The following PKIB variants were observed in gnomAD, a reference collection of about 807,000 sequenced individuals.
PKIB encodes the protein PKI-beta.
Under a neutral mutation model 4.5 loss-of-function variants are expected in PKIB, and 2 were observed. The ratio of observed to expected loss-of-function variants is 0.44; its 90% CI spans 0.18 to 1.39. The LOEUF (loss-of-function observed/expected upper bound fraction) is 1.39. Ranked by LOEUF, PKIB falls within the 40% of genes most tolerant of loss-of-function variation. PKIB has a pLI of 0.27. For synonymous variants in PKIB, 38 were observed against 36.0 expected (o/e 1.06, Z -0.20); for missense variants, 94 against 92.6 (o/e 1.02, Z -0.06).
At chr6:122,642,492 A>G (rs1776158096) in intron 2 of PKIB, among the ~76,000 whole-genome samples, 1 of 152,246 alleles carries the variant, frequency 6.6e-6, no homozygotes, top group South Asian at 2.1e-4. Flanking sequence ...ATGGCTGGTA[A>G]GAGTATAGTT....
At chr6:122,661,746 A>G (rs894481703) in intron 2 of PKIB, among the ~76,000 whole-genome samples, 28 of 152,132 alleles carry the variant, frequency 1.8e-4, no homozygotes, top group African/African-American at 6.8e-4. Flanking sequence ...TGGTAACTCT[A>G]TGTTTAACAG....
At chr6:122,603,531 T>C (rs1277755767) in intron 3 of PKIB, among the ~76,000 whole-genome samples, 2 of 152,166 alleles carry the variant, frequency 1.3e-5, no homozygotes, top group African/African-American at 4.8e-5. Flanking sequence ...TAGGCTAGAG[T>C]ACAGTGGTGC....
Position 122,506,857 on chromosome 6 carries a change from G to A in PKIB, c.-248+28918G>A, listed in dbSNP as rs1219419455. ...TGGGACTACAGGCGCCCACCATCACGCCCGGCTAATTTTTTTTGTATTTTT... is the reference window on the plus strand; with the variant it reads ...TGGGACTACAGGCGCCCACCATCACACCCGGCTAATTTTTTTTGTATTTTT... On this transcript the variant is annotated intron_variant, in intron 2 of 6. Transcript: ENST00000392491. Among the ~76,000 whole-genome samples, 6 of 150,650 alleles carry A rather than the reference G, an allele frequency of 4.0e-5. 1 individual carries two copies. The South Asian group carries it at 8.4e-4, about 21-fold the overall frequency.
At chr6:122,592,242 T>G (rs958432721) in intron 3 of PKIB, among the ~76,000 whole-genome samples, 1 of 152,230 alleles carries the variant, frequency 6.6e-6, no homozygotes, top group East Asian at 1.9e-4. Context: ...AGAGGATAAA[T>G]AATGAATTCT....
At chr6:122,591,035 GACAA>G (rs1171971446) in intron 3 of PKIB, among the ~76,000 whole-genome samples, 2 of 150,242 alleles carry the variant, frequency 1.3e-5, no homozygotes, top group Non-Finnish European at 3.0e-5. Context: ...AAAAAAAACA[GACAA>G]ACAAAAAAAC....
intron 2 of PKIB, among the ~76,000 whole-genome samples, chr6:122,578,254 T>G (rs1356739007): frequency 1.3e-5 from 2 of 152,202 alleles, no homozygotes; most frequent in Admixed American, 1.3e-4. Context: ...GGAAAATAAG[T>G]TAGCATCACG....
chr6:122,481,984 G>T (rs1775628850), intron 2 of PKIB: 2 of 141,280 alleles, frequency 1.4e-5, no homozygotes, highest in Non-Finnish European at 3.1e-5. Flanking sequence ...TTTTTGAGGC[G>T]GAGTCTCGCG....
chr6:122,536,657 T>C (rs1459412792), intron 2 of PKIB, among the ~76,000 whole-genome samples: 1 of 152,142 alleles, frequency 6.6e-6, no homozygotes, highest in Non-Finnish European at 1.5e-5. Context: ...TTGGAAAGAA[T>C]AGATTTTATT....
chr6:122,533,065 G>A (rs1008070453), intron 2 of PKIB, among the ~76,000 whole-genome samples: 5 of 151,896 alleles, frequency 3.3e-5, no homozygotes, highest in Non-Finnish European at 7.4e-5. Flanking sequence ...ATATATTTGG[G>A]TATTAACACT....
At chr6:122,494,139 T>G (rs1426423336) in intron 2 of PKIB, among the ~76,000 whole-genome samples, 2 of 152,170 alleles carry the variant, frequency 1.3e-5, no homozygotes, top group African/African-American at 4.8e-5. Context: ...ACTTTCTTAT[T>G]TGAGAACATG....
At chr6:122,655,349 C>A (rs1030514657) in intron 2 of PKIB, among the ~76,000 whole-genome samples, 1 of 152,060 alleles carries the variant, frequency 6.6e-6, no homozygotes, top group African/African-American at 2.4e-5. Context: ...AGGTGTGGAA[C>A]CTTTGTTAGG....
chr6:122,676,811 G>A (rs560512757), intron 3 of PKIB, among the ~76,000 whole-genome samples: 11 of 152,240 alleles, frequency 7.2e-5, no homozygotes, highest in East Asian at 3.9e-4. Flanking sequence ...CACATTTTGC[G>A]GCAATATAGG....
chr6:122,693,159 T>G (rs929862685), intron 3 of PKIB, among the ~76,000 whole-genome samples: 1 of 152,200 alleles, frequency 6.6e-6, no homozygotes, highest in African/African-American at 2.4e-5. Flanking sequence ...CCCTGTGACG[T>G]ATAATTAATT....
At chr6:122,722,627 G>T (rs1779788444) in intron 4 of PKIB, among the ~76,000 whole-genome samples, 1 of 152,184 alleles carries the variant, frequency 6.6e-6, no homozygotes, top group Admixed American at 6.5e-5. Context: ...TATGGTTATA[G>T]AGTACCATTT....
In PKIB at chr6:122,725,369, T is replaced by C. The variant is rs778011493; in HGVS notation, c.*174T>C. 13 of 586,262 alleles carry C rather than the reference T, an allele frequency of 2.2e-5. No homozygotes were observed. The highest frequency in any genetic ancestry group is 3.7e-5 in the Non-Finnish European group (12 of 327,516). The allele number at this position is 586,262 out of a possible 1,614,324, so 36.3% of individuals were successfully genotyped here. On this transcript the variant is annotated 3_prime_UTR_variant, in exon 5 of 5. Coordinates refer to ENST00000368452, the MANE Select transcript of PKIB (RefSeq NM_181795.3). ...ACTCACTTTGATTGCAATGATGATG[T>C]CCAAGGTAAGCTATTAAAAGGCAGG...
intron 2 of PKIB, among the ~76,000 whole-genome samples, chr6:122,492,557 T>C (rs1324214366): frequency 6.6e-6 from 1 of 152,218 alleles, no homozygotes; most frequent in African/African-American, 2.4e-5. Context: ...AAGAAAATTT[T>C]TCCCCAAAGA....
intron 3 of PKIB, among the ~76,000 whole-genome samples, chr6:122,700,906 A>C (rs1405711087): frequency 4.6e-5 from 7 of 152,150 alleles, no homozygotes; most frequent in Non-Finnish European, 1.0e-4. Context: ...TATGGCTTGG[A>C]TAGGGCCAGC....
chr6:122,586,881 A>G (rs1282364241), intron 3 of PKIB, among the ~76,000 whole-genome samples: 3 of 152,136 alleles, frequency 2.0e-5, no homozygotes, highest in Non-Finnish European at 4.4e-5. Context: ...AAAATATATT[A>G]AGCAACTGTT....
At chr6:122,703,271 A>C (rs1778908258) in intron 3 of PKIB, among the ~76,000 whole-genome samples, 2 of 152,176 alleles carry the variant, frequency 1.3e-5, no homozygotes, top group Non-Finnish European at 2.9e-5. Flanking sequence ...AGAATAATTG[A>C]GGGTTTTTTA....
Sources: gnomAD v4.1 joint callset for allele counts (sites outside exome capture counted in the v4.1 genomes callset) on GRCh38, gnomAD v4.1.1 for gene constraint, MANE v1.5 for transcripts, NCBI Gene and HGNC (gene_info 2026-07-23, HGNC 2026-07-21) for gene names.